The following TMCC3 variants were observed in gnomAD, a reference collection of about 807,000 sequenced individuals.
TMCC3 encodes the protein transmembrane and coiled-coil domain family 3, also known as transmembrane and coiled-coil domain protein 3.
A neutral mutation model predicts 40.2 loss-of-function variants in TMCC3; 28 were observed. That is an observed-to-expected ratio of 0.70 (90% CI 0.52 to 0.95). The LOEUF (loss-of-function observed/expected upper bound fraction) is 0.95. TMCC3 is among the 40% of genes least tolerant of loss of function. The pLI, the probability that TMCC3 is intolerant of heterozygous loss-of-function variation, is 0.00. For missense variants in TMCC3, 554 were observed against 615.2 expected, an observed-to-expected ratio of 0.90 and a Z score of 1.05; for synonymous variants, 255 against 248.5, an observed-to-expected ratio of 1.03 and a Z score of -0.25.
intron 1 of TMCC3, among the ~76,000 whole-genome samples, chr12:94,630,721 T>TTTTTGTTTTG (rs373879541): frequency 0.094 from 14,210 of 151,856 alleles, 753 homozygotes; most frequent in South Asian, 0.16. Flanking sequence ...ACGTTTTGTG[T>TTTTTGTTTTG]TTTTGTTTTG....
At chr12:94,619,953 C>T (rs1324133930) in intron 1 of TMCC3, among the ~76,000 whole-genome samples, 1 of 152,084 alleles carries the variant, frequency 6.6e-6, no homozygotes, top group African/African-American at 2.4e-5. Context: ...AACCTGAGGT[C>T]GGGAGTTCGA....
chr12:94,650,157 G>A (rs2069047297), intron 1 of TMCC3, among the ~76,000 whole-genome samples, 196 bp downstream of exon 1: 1 of 152,112 alleles, frequency 6.6e-6, no homozygotes, highest in Non-Finnish European at 1.5e-5. Flanking sequence ...TGGGATCCCA[G>A]AACCGCAGCC....
In TMCC3 at chr12:94,581,740, C is replaced by A; in HGVS notation, c.877G>T (p.Glu293Ter). Residue 293 changes from glutamate (E) to a stop codon, truncating the protein, a stop_gained, in exon 2 of 4, where the codon GAA (glutamate) becomes TAA (stop). Coordinates refer to ENST00000261226, the MANE Select transcript of TMCC3 (RefSeq NM_020698.4). LOFTEE classifies it high-confidence loss of function. ...SQGKLAVILE[E>*]LREIKDTQAQ... ...TGGGTATCCTTGATCTCCCTCAGTT[C>A]CTCCAGGATCACGGCGAGCTTGCCC... 6.2e-7 allele frequency: 1 copy of A among 1,614,216 alleles called. No homozygotes were observed. Among genetic ancestry groups the A allele is most frequent in the Non-Finnish European group, 8.5e-7 (1 of 1,180,036 alleles).
intron 1 of TMCC3, among the ~76,000 whole-genome samples, chr12:94,640,246 C>T (rs1047579432): frequency 6.6e-6 from 1 of 152,206 alleles, no homozygotes; most frequent in South Asian, 2.1e-4. Context: ...AGGCTCACTG[C>T]AGCCTCACCC....
At chr12:94,585,423 G>T (rs117675899) in intron 1 of TMCC3, among the ~76,000 whole-genome samples, 3 of 152,114 alleles carry the variant, frequency 2.0e-5, no homozygotes, top group Non-Finnish European at 4.4e-5. Context: ...AGGGCCAGGC[G>T]CAGTGGCTCA....
intron 1 of TMCC3, among the ~76,000 whole-genome samples, chr12:94,642,740 T>G (rs2068997320): frequency 6.6e-6 from 1 of 152,230 alleles, no homozygotes; most frequent in African/African-American, 2.4e-5. Flanking sequence ...ATTCTTCCTC[T>G]CCCATCTGAA....
Position 94,571,754 on chromosome 12 carries a change from G to A in TMCC3, c.1132-17C>T. On this transcript the variant is annotated splice_polypyrimidine_tract_variant and intron_variant, in intron 3 of 3. Coordinates refer to ENST00000261226, the MANE Select transcript of TMCC3 (RefSeq NM_020698.4). ...CAAGGCTTCCTGTGAGCAAGAGGGA[G>A]AGCAAGGGTCAAACGGTGTTGGGAT... 1 of 1,612,184 alleles carries A rather than the reference G, an allele frequency of 6.2e-7. No homozygotes were observed. Among genetic ancestry groups the A allele is most frequent in the Non-Finnish European group, 8.5e-7 (1 of 1,178,924 alleles).
At chr12:94,578,807 A>G (rs999802686) in intron 2 of TMCC3, among the ~76,000 whole-genome samples, 6 of 152,164 alleles carry the variant, frequency 3.9e-5, no homozygotes, top group African/African-American at 1.4e-4. Flanking sequence ...AGTGACCTCA[A>G]GATAGAGCTC....
chr12:94,598,756 G>A, intron 1 of TMCC3: 1 of 985,418 alleles, frequency 1.0e-6, no homozygotes, highest in Non-Finnish European at 1.2e-6. Context: ...GTTTCAGGCA[G>A]AGAACAGTCC....
At chr12:94,619,602 A>G (rs901479789) in intron 1 of TMCC3, among the ~76,000 whole-genome samples, 5 of 152,222 alleles carry the variant, frequency 3.3e-5, no homozygotes, top group South Asian at 2.1e-4. Context: ...AATTGGTGCA[A>G]CCTTTGGGAG....
chr12:94,594,036 G>A (rs2068699607), intron 1 of TMCC3, among the ~76,000 whole-genome samples: 1 of 152,004 alleles, frequency 6.6e-6, no homozygotes, highest in Admixed American at 6.6e-5. Flanking sequence ...GGGATGTGAG[G>A]CAACACCCAA....
Position 94,571,403 on chromosome 12 carries a change from T to C in TMCC3, c.*32A>G, listed in dbSNP as rs1473161862. 4 of 1,594,278 alleles carry C rather than the reference T, an allele frequency of 2.5e-6. No homozygotes were observed. Among genetic ancestry groups the C allele is most frequent in the Non-Finnish European group, 1.7e-6 (2 of 1,169,134 alleles). On this transcript the variant is annotated 3_prime_UTR_variant, in exon 4 of 4. Coordinates refer to ENST00000261226, the MANE Select transcript of TMCC3 (RefSeq NM_020698.4). ...ACAGAGTTTTCTTTAAAATAAAAAC[T>C]TGAAAGAACTTGAAGGCAGGAACCA...
At chr12:94,604,983 G>A (rs2068774881) in intron 1 of TMCC3, among the ~76,000 whole-genome samples, 2 of 152,046 alleles carry the variant, frequency 1.3e-5, no homozygotes, top group African/African-American at 4.8e-5. Context: ...ACTAGAATAT[G>A]TATTTAGGAA....
chr12:94,614,673 G>A (rs2068837653), intron 1 of TMCC3, among the ~76,000 whole-genome samples: 1 of 151,742 alleles, frequency 6.6e-6, no homozygotes, highest in South Asian at 2.1e-4. Context: ...GTCAACTGTT[G>A]CACTCACAGT....
At chr12:94,593,300 G>T (rs1013234214) in intron 1 of TMCC3, among the ~76,000 whole-genome samples, 2 of 150,156 alleles carry the variant, frequency 1.3e-5, no homozygotes, top group African/African-American at 2.5e-5. Flanking sequence ...CCTGGAGGCA[G>T]AGGTTGCAGT....
chr12:94,599,183 T>C (rs551293313), intron 1 of TMCC3, among the ~76,000 whole-genome samples: 1 of 152,338 alleles, frequency 6.6e-6, no homozygotes, highest in South Asian at 2.1e-4. Context: ...CAGTATCTAC[T>C]AGTTCACAGT....
intron 1 of TMCC3, among the ~76,000 whole-genome samples, chr12:94,608,346 T>C (rs1294161306): frequency 6.6e-6 from 1 of 152,240 alleles, no homozygotes; most frequent in African/African-American, 2.4e-5. Flanking sequence ...TAGGATATGA[T>C]GATCTGAAAG....
intron 1 of TMCC3, among the ~76,000 whole-genome samples, chr12:94,585,605 G>A (rs1340218068): frequency 6.6e-6 from 1 of 152,186 alleles, no homozygotes; most frequent in Non-Finnish European, 1.5e-5. Flanking sequence ...GCTGAGGCAG[G>A]AGAACTGCTT....
intron 1 of TMCC3, among the ~76,000 whole-genome samples, chr12:94,608,598 T>C (rs767301137): frequency 6.6e-6 from 1 of 152,142 alleles, no homozygotes; most frequent in Non-Finnish European, 1.5e-5. Context: ...GTAGACTGGC[T>C]ACAGGATGAG....
Sources: gnomAD v4.1 joint callset for allele counts (sites outside exome capture counted in the v4.1 genomes callset) on GRCh38, gnomAD v4.1.1 for gene constraint, MANE v1.5 for transcripts, NCBI Gene and HGNC (gene_info 2026-07-23, HGNC 2026-07-21) for gene names.